Variants in PUS7 observed in about 807,000 individuals in gnomAD.
PUS7 encodes pseudouridine synthase 7.
In PUS7, 48 loss-of-function variants were observed where a neutral mutation model predicts 79.8. The ratio of observed to expected loss-of-function variants is 0.60; its 90% confidence interval spans 0.48 to 0.76. The LOEUF is 0.76. Among genes scored for constraint, PUS7 ranks in the 30% least tolerant of loss-of-function variants. The pLI is 0.00. For synonymous variants in PUS7, 286 were observed against 272.2 expected (o/e 1.05, Z -0.50); for missense variants, 729 against 797.6 (o/e 0.91, Z 1.04).
At chr7:105,509,555 C>G (rs546219827) in intron 1 of PUS7, among the ~76,000 whole-genome samples, 2 of 152,156 alleles carry the variant, frequency 1.3e-5, no homozygotes, top group African/African-American at 2.4e-5. Flanking sequence ...ACTGCAAACT[C>G]CAACTCCTGG....
Position 105,498,723 on chromosome 7 carries a change from CTTTAT to C in PUS7, c.731-3475_731-3471del, listed in dbSNP as rs1365600073. ...TCAGGGATCCTACTCCATCCATTAT[CTTTAT>C]TTTGTTATTTGCCTCCCTGAATTTT... On this transcript the variant is annotated intron_variant, in intron 5 of 15. Transcript: ENST00000469408. Among the ~76,000 whole-genome samples, 3 of 152,196 alleles carry C rather than the reference CTTTAT, an allele frequency of 2.0e-5. No individual in the cohort carries two copies. The East Asian group carries it at 5.8e-4, about 29-fold the overall frequency.
rs1823201714 is a variant in PUS7 at position 105,456,694 on chromosome 7, C to G, written c.*1096G>C. On this transcript the variant is annotated 3_prime_UTR_variant, in exon 16 of 16. Coordinates refer to ENST00000469408, the MANE Select transcript of PUS7 (RefSeq NM_019042.5). ...TTATGCAATGCCAGACATGGAAATA[C>G]CAAAGCCACTGGTGACAAAGGGTAA... is the stretch of plus-strand genomic sequence containing the variant. 1 of 152,100 alleles carries G rather than the reference C, an allele frequency of 6.6e-6. No individual in the cohort carries two copies. The highest frequency in any genetic ancestry group is 1.5e-5 in the Non-Finnish European group (1 of 68,022). The allele number at this position is 152,100 out of a possible 1,614,324, so 9.4% of individuals were successfully genotyped here.
intron 1 of PUS7, among the ~76,000 whole-genome samples, chr7:105,508,949 G>A (rs2133259580): frequency 6.8e-6 from 1 of 147,516 alleles, no homozygotes. Flanking sequence ...GGGAGGCCGA[G>A]GTGGGCGGAT....
intron 15 of PUS7, 142 bp from the exon 16 acceptor site, chr7:105,458,068 C>A: frequency 1.1e-6 from 1 of 890,368 alleles, no homozygotes; most frequent in East Asian, 2.9e-5. Context: ...GAGAATGAGA[C>A]CATGGAAGTA....
rs569643221 is a variant in PUS7 at position 105,459,706 on chromosome 7, G to A, written c.1758-447C>T. On this transcript the variant is annotated intron_variant, in intron 14 of 15. Transcript: ENST00000469408. ...ACCCGCCACAGTCTCCCCAACTGCTGGGATTATAACGTGAGCCACTGTGCC... is the reference window on the plus strand; with the variant it reads ...ACCCGCCACAGTCTCCCCAACTGCTAGGATTATAACGTGAGCCACTGTGCC... 4.6e-5 allele frequency among the ~76,000 whole-genome samples: 7 copies of A among 152,090 alleles called. No individual in the cohort carries two copies. The South Asian group carries it at 1.2e-3, about 27-fold the overall frequency.
chr7:105,517,166 C>CTTTTTTTATTTTTTTTTT (rs1289590315), intron 1 of PUS7, among the ~76,000 whole-genome samples: 1 of 146,630 alleles, frequency 6.8e-6, no homozygotes, highest in South Asian at 2.3e-4. Flanking sequence ...CTTCACATTT[C>CTTTTTTTATTTTTTTTTT]TTTTTTTGGC....
At chr7:105,493,819 C>A (rs1429703232) in intron 6 of PUS7, among the ~76,000 whole-genome samples, 2 of 152,192 alleles carry the variant, frequency 1.3e-5, no homozygotes, top group Non-Finnish European at 2.9e-5. Flanking sequence ...CTTGCCGACA[C>A]CTTGAGCTTG....
chr7:105,518,127 G>A (rs1325470280), intron 1 of PUS7, among the ~76,000 whole-genome samples: 1 of 151,866 alleles, frequency 6.6e-6, no homozygotes, highest in African/African-American at 2.4e-5. Context: ...CAGCCTGGGT[G>A]ACAGAGGGAG....
At chr7:105,482,162 A>G in intron 8 of PUS7, 150 bp downstream of exon 8, 2 of 900,604 alleles carry the variant, frequency 2.2e-6, no homozygotes, top group Admixed American at 2.4e-5. Flanking sequence ...CTGCTCTCCC[A>G]GCCCTGCCAG....
chr7:105,490,142 A>G (rs1005760938), intron 7 of PUS7, among the ~76,000 whole-genome samples: 7 of 152,052 alleles, frequency 4.6e-5, no homozygotes, highest in African/African-American at 1.7e-4. Flanking sequence ...CGAGAAACCA[A>G]AATAAATACA....
intron 1 of PUS7, among the ~76,000 whole-genome samples, chr7:105,508,848 G>A (rs1174793922): frequency 7.9e-6 from 1 of 127,172 alleles, no homozygotes; most frequent in Admixed American, 9.5e-5. Context: ...CTCCAGCCTG[G>A]GCGACAGAGT....
At chr7:105,457,964 C>A (rs755189255) in intron 15 of PUS7, 38 bp from the exon 16 acceptor site, 87 of 1,601,664 alleles carry the variant, frequency 5.4e-5, no homozygotes, top group Non-Finnish European at 7.2e-5. Flanking sequence ...AAAATGAAGG[C>A]AGCTGCAGAC....
chr7:105,467,679 A>T (rs1255404215), intron 12 of PUS7, among the ~76,000 whole-genome samples: 1 of 151,960 alleles, frequency 6.6e-6, no homozygotes, highest in Non-Finnish European at 1.5e-5. Context: ...AAGTGATTTC[A>T]GCCATCCATT....
chr7:105,479,625 GTTC>G (rs775678058), intron 9 of PUS7, among the ~76,000 whole-genome samples: 8 of 152,178 alleles, frequency 5.3e-5, no homozygotes, highest in Non-Finnish European at 7.3e-5. Flanking sequence ...CCCTAGAGGG[GTTC>G]TTAATTGTTT....
At chr7:105,498,110 A>G (rs1486964683) in intron 5 of PUS7, among the ~76,000 whole-genome samples, 2 of 152,218 alleles carry the variant, frequency 1.3e-5, no homozygotes, top group Non-Finnish European at 2.9e-5. Context: ...TGCATCTTCT[A>G]TTTAGCAAAT....
intron 6 of PUS7, among the ~76,000 whole-genome samples, 197 bp from the exon 7 acceptor site, chr7:105,491,814 TG>T (rs1824792969): frequency 6.6e-6 from 1 of 152,246 alleles, no homozygotes; most frequent in Non-Finnish European, 1.5e-5. Context: ...TCCCAGCACT[TG>T]GGAGGCCAAG....
At chr7:105,508,035 T>C in intron 2 of PUS7, 80 bp downstream of exon 2, 1 of 1,448,646 alleles carries the variant, frequency 6.9e-7, no homozygotes, top group Non-Finnish European at 9.1e-7. Flanking sequence ...GAAAGCTAAG[T>C]GGAAGAATAT....
chr7:105,459,401 G>A, intron 14 of PUS7, 142 bp from the exon 15 acceptor site: 1 of 445,160 alleles, frequency 2.2e-6, no homozygotes, highest in Non-Finnish European at 3.8e-6. Context: ...TAATATAGCA[G>A]GGCCAGATTT....
intron 6 of PUS7, among the ~76,000 whole-genome samples, chr7:105,493,368 G>A (rs117541545): frequency 6.6e-6 from 1 of 152,218 alleles, no homozygotes; most frequent in Non-Finnish European, 1.5e-5. Context: ...CTCAACTCCC[G>A]ATCTTGGAGG....
Sources: allele counts gnomAD v4.1 joint callset (sites outside exome capture counted in the v4.1 genomes callset), GRCh38; gene constraint gnomAD v4.1.1; transcripts MANE v1.5; gene names NCBI Gene and HGNC (gene_info 2026-07-23, HGNC 2026-07-21).